ALMS1: variants seen among roughly 807,000 people sequenced by gnomAD.
The protein encoded by ALMS1 is centrosome-associated protein ALMS1.
In ALMS1, 271 loss-of-function variants were observed where a neutral mutation model predicts 352.2. The ratio of observed to expected loss-of-function variants is 0.77; its 90% CI spans 0.70 to 0.85. ALMS1 has a LOEUF of 0.85. Ranked by LOEUF, ALMS1 falls within the 40% of genes least tolerant of loss-of-function variation. The pLI is 0.00. For missense variants in ALMS1, 5,445 were observed against 4,870.7 expected (o/e 1.12, Z -3.51); for synonymous variants, 1,865 against 1,761.2 (o/e 1.06, Z -1.48).
At chr2:73,472,505 A>G (rs1353993610) in intron 9 of ALMS1, among the ~76,000 whole-genome samples, 1 of 152,066 alleles carries the variant, frequency 6.6e-6, no homozygotes, top group African/African-American at 2.4e-5. Flanking sequence ...AAGTCATATA[A>G]TATGGTGGAG....
chr2:73,579,070 TA>T lies in ALMS1; in HGVS notation c.11547+5647del, dbSNP rs895639559. On this transcript the variant is annotated intron_variant, in intron 16 of 22. Transcript: ENST00000613296. ...TTTAATTTCTCCTTTATTCTTTTTT[TA>T]TTTATTTTTTTTTTTGAGACGGAGT... 3.1e-4 allele frequency among the ~76,000 whole-genome samples: 43 copies of T among 136,786 alleles called. 4 individuals carry two copies. Among genetic ancestry groups the T allele is most frequent in the African/African-American group, 8.5e-4 (28 of 33,128 alleles). 89.7% of individuals were successfully genotyped at this position (136,786 alleles called of 152,430 possible).
At chr2:73,526,967 G>T (rs545993819) in intron 11 of ALMS1, among the ~76,000 whole-genome samples, 1 of 152,180 alleles carries the variant, frequency 6.6e-6, no homozygotes, top group East Asian at 1.9e-4. Context: ...TTTTTTCAGG[G>T]TTTTTATCAC....
intron 17 of ALMS1, 152 bp from the exon 18 acceptor site, chr2:73,600,526 T>G (rs1041329860): frequency 1.5e-6 from 1 of 680,760 alleles, no homozygotes; most frequent in African/African-American, 1.8e-5. Context: ...TCCCCTGTCC[T>G]TCTTTCTCTT....
intron 10 of ALMS1, among the ~76,000 whole-genome samples, chr2:73,502,741 G>T (rs554125163): frequency 2.9e-4 from 44 of 152,162 alleles, no homozygotes; most frequent in Admixed American, 1.1e-3. Flanking sequence ...CATCTTTACT[G>T]AATTTTTATC....
At chr2:73,477,659 A>G (rs946698178) in intron 9 of ALMS1, among the ~76,000 whole-genome samples, 1 of 152,006 alleles carries the variant, frequency 6.6e-6, no homozygotes, top group South Asian at 2.1e-4. Context: ...ATTTCATTCT[A>G]TGTTTTTTAG....
chr2:73,519,502 G>C (rs1464598710), intron 10 of ALMS1, among the ~76,000 whole-genome samples: 1 of 152,066 alleles, frequency 6.6e-6, no homozygotes, highest in African/African-American at 2.4e-5. Flanking sequence ...TTTCAATTCA[G>C]CTGAAAAATA....
chr2:73,484,174 G>C (rs1289297629), intron 9 of ALMS1, among the ~76,000 whole-genome samples: 1 of 151,786 alleles, frequency 6.6e-6, no homozygotes, highest in East Asian at 1.9e-4. Flanking sequence ...AGTCTTGATG[G>C]TCTTTACATT....
chr2:73,549,948 C>G (rs968930796), intron 12 of ALMS1, among the ~76,000 whole-genome samples: 8 of 152,172 alleles, frequency 5.3e-5, no homozygotes, highest in African/African-American at 1.9e-4. Context: ...CAACCTCTGC[C>G]TCCCAGGTTC....
intron 16 of ALMS1, among the ~76,000 whole-genome samples, chr2:73,581,848 G>A (rs943466632): frequency 2.0e-5 from 3 of 151,520 alleles, no homozygotes; most frequent in African/African-American, 4.9e-5. Flanking sequence ...GGGTTCAAGC[G>A]ATTCTTCTGC....
At chr2:73,391,386 C>T (rs1260640453) in intron 1 of ALMS1, among the ~76,000 whole-genome samples, 13 of 145,206 alleles carry the variant, frequency 9.0e-5, no homozygotes, top group South Asian at 2.1e-4. Context: ...CTCAGCCTCC[C>T]GAGTTCATGC....
intron 3 of ALMS1, among the ~76,000 whole-genome samples, chr2:73,419,996 A>C (rs1216764521): frequency 6.6e-6 from 1 of 152,218 alleles, no homozygotes. Flanking sequence ...ATTAGTGCCA[A>C]CGTTTTCTAT....
At chr2:73,528,901 T>TAA (rs1276550068) in intron 11 of ALMS1, among the ~76,000 whole-genome samples, 1 of 152,098 alleles carries the variant, frequency 6.6e-6, no homozygotes, top group Admixed American at 6.5e-5. Flanking sequence ...ATGCATTCTT[T>TAA]AGTGTGTCAG....
intron 10 of ALMS1, among the ~76,000 whole-genome samples, chr2:73,515,816 C>G (rs943717562): frequency 6.7e-5 from 10 of 148,822 alleles, no homozygotes; most frequent in Non-Finnish European, 1.3e-4. Flanking sequence ...AACTCAGAGA[C>G]TATTATGAAC....
intron 11 of ALMS1, among the ~76,000 whole-genome samples, chr2:73,529,849 G>A (rs187790339): frequency 3.7e-4 from 56 of 152,232 alleles, no homozygotes; most frequent in South Asian, 6.2e-4. Flanking sequence ...AGCAAGGCAC[G>A]TCTTACATGG....
In ALMS1 at chr2:73,449,656, A is replaced by G; in HGVS notation, c.3129A>G (p.Pro1043=). Residue 1043 remains proline (P), a synonymous_variant, in exon 8 of 23, where the codon CCA becomes CCG. Coordinates refer to ENST00000613296, the MANE Select transcript of ALMS1 (RefSeq NM_001378454.1). ...PGPADQKTEI[P]AVQSSSYPQR... is the part of the protein sequence containing the mutation. ...CAGCTGACCAGAAGACTGAGATACCAGCAGTACAGTCTAGTTCTTACCCAC... is the reference window on the plus strand; with the variant it reads ...CAGCTGACCAGAAGACTGAGATACCGGCAGTACAGTCTAGTTCTTACCCAC... 4 of 1,614,118 alleles carry G rather than the reference A, an allele frequency of 2.5e-6. No homozygotes were observed. Among genetic ancestry groups the G allele is most frequent in the South Asian group, 2.2e-5 (2 of 91,078 alleles).
chr2:73,602,436 A>G, intron 20 of ALMS1, 68 bp downstream of exon 20: 3 of 1,594,458 alleles, frequency 1.9e-6, no homozygotes, highest in Non-Finnish European at 2.6e-6. Flanking sequence ...TCTGCTGCAG[A>G]GCCCTGCTAA....
At chr2:73,440,704 C>T (rs559283825) in intron 7 of ALMS1, among the ~76,000 whole-genome samples, 3 of 152,276 alleles carry the variant, frequency 2.0e-5, no homozygotes, top group African/African-American at 7.2e-5. Context: ...GGATTATAGG[C>T]GTGAGCAACC....
At chr2:73,530,788 A>C (rs1276502334) in intron 11 of ALMS1, among the ~76,000 whole-genome samples, 1 of 152,220 alleles carries the variant, frequency 6.6e-6, no homozygotes, top group Non-Finnish European at 1.5e-5. Flanking sequence ...CCCAAAGTTC[A>C]ACTCTTGTCT....
intron 9 of ALMS1, among the ~76,000 whole-genome samples, chr2:73,468,233 G>A (rs998751549): frequency 5.3e-5 from 8 of 151,866 alleles, no homozygotes; most frequent in Non-Finnish European, 1.0e-4. Flanking sequence ...TCTTTTATTG[G>A]AGAATAGTAA....
Sources: gnomAD v4.1 joint callset for allele counts (sites outside exome capture counted in the v4.1 genomes callset) on GRCh38, gnomAD v4.1.1 for gene constraint, MANE v1.5 for transcripts, NCBI Gene and HGNC (gene_info 2026-07-23, HGNC 2026-07-21) for gene names.